The following DPP6 variants were observed in gnomAD, a reference collection of about 807,000 sequenced individuals.
DPP6 encodes A-type potassium channel modulatory protein DPP6.
DPP6 carries 69 observed loss-of-function variants against 122.6 expected under a neutral mutation model. That is an observed-to-expected ratio of 0.56 (90% confidence interval 0.46 to 0.69). The LOEUF is 0.69. Ranked by LOEUF, DPP6 falls within the 30% of genes least tolerant of loss-of-function variation. DPP6 has a pLI of 0.00. For missense variants in DPP6, 928 were observed against 1,116.9 expected (o/e 0.83, Z 2.41); for synonymous variants, 418 against 433.1 (o/e 0.97, Z 0.43).
chr7:154,816,506 A>G (rs1387915083), intron 16 of DPP6, among the ~76,000 whole-genome samples: 4 of 152,174 alleles, frequency 2.6e-5, no homozygotes, highest in African/African-American at 9.6e-5. Context: ...ATGGGGCACC[A>G]CTGTACCTGT....
chr7:153,803,174 G>A, the DPP6 span, among the ~76,000 whole-genome samples: 2 of 151,194 alleles, frequency 1.3e-5, no homozygotes, highest in African/African-American at 2.4e-5. Flanking sequence ...GTTCTTCTAC[G>A]ATGCCAGCAT....
chr7:154,718,939 G>A (rs558777877), intron 7 of DPP6, among the ~76,000 whole-genome samples: 1 of 152,082 alleles, frequency 6.6e-6, no homozygotes, highest in South Asian at 2.1e-4. Flanking sequence ...TTATCTCTCT[G>A]CCTTTGGGTC....
intron 1 of DPP6, among the ~76,000 whole-genome samples, chr7:154,082,216 T>C (rs905422967): frequency 2.0e-5 from 3 of 152,184 alleles, no homozygotes; most frequent in African/African-American, 7.2e-5. Flanking sequence ...ATAAACCTTA[T>C]TTAATATATA....
intron 16 of DPP6, among the ~76,000 whole-genome samples, chr7:154,810,342 G>A (rs188916763): frequency 6.6e-6 from 1 of 152,308 alleles, no homozygotes; most frequent in Non-Finnish European, 1.5e-5. Context: ...CATGGATTTA[G>A]GCAGGGAAGT....
At chr7:154,632,770 A>G (rs115106688) in intron 5 of DPP6, among the ~76,000 whole-genome samples, 2,642 of 152,300 alleles carry the variant, frequency 0.017, 77 homozygotes, top group African/African-American at 0.06. Context: ...CTCAGTGTCC[A>G]CGATGGTACA....
chr7:154,432,380 T>C (rs1158851646), intron 1 of DPP6, among the ~76,000 whole-genome samples: 1 of 152,230 alleles, frequency 6.6e-6, no homozygotes, highest in African/African-American at 2.4e-5. Flanking sequence ...AATTAATCAG[T>C]ACAAATATTT....
intron 1 of DPP6, among the ~76,000 whole-genome samples, chr7:154,066,043 G>GTT (rs1272775473): frequency 6.7e-5 from 8 of 119,598 alleles, no homozygotes; most frequent in Admixed American, 1.7e-4. Context: ...GTTCAGATTT[G>GTT]TTTTTTTTTT....
chr7:154,849,462 T>C (rs1802203875), intron 16 of DPP6, among the ~76,000 whole-genome samples: 2 of 152,230 alleles, frequency 1.3e-5, no homozygotes. Context: ...CTTAATTTAC[T>C]TGTAGATAGT....
intron 1 of DPP6, among the ~76,000 whole-genome samples, chr7:154,310,324 C>T (rs535068726): frequency 2.0e-5 from 3 of 152,318 alleles, no homozygotes; most frequent in South Asian, 2.1e-4. Flanking sequence ...AGGCGGCATG[C>T]GCTGTGCTCT....
At chr7:154,086,159 A>G (rs1272177107) in intron 1 of DPP6, among the ~76,000 whole-genome samples, 5 of 152,244 alleles carry the variant, frequency 3.3e-5, no homozygotes, top group Non-Finnish European at 5.9e-5. Flanking sequence ...CTTGGAATCC[A>G]ATGGATCTGA....
chr7:154,864,854 C>G (rs1803717817), intron 17 of DPP6, among the ~76,000 whole-genome samples: 1 of 152,246 alleles, frequency 6.6e-6, no homozygotes, highest in Non-Finnish European at 1.5e-5. Flanking sequence ...AACCAGAACT[C>G]TCAGATCCGG....
chr7:154,284,024 A>T (rs1804691123), intron 1 of DPP6, among the ~76,000 whole-genome samples: 1 of 152,164 alleles, frequency 6.6e-6, no homozygotes, highest in African/African-American at 2.4e-5. Flanking sequence ...GCCTCATGAC[A>T]TCCATGTTAG....
intron 8 of DPP6, among the ~76,000 whole-genome samples, chr7:154,762,260 G>A (rs1795605705): frequency 6.6e-6 from 1 of 152,180 alleles, no homozygotes; most frequent in Admixed American, 6.5e-5. Flanking sequence ...CACTGCCCTG[G>A]TTCAAGGAGC....
At chr7:154,318,424 A>G (rs1365390258) in intron 1 of DPP6, among the ~76,000 whole-genome samples, 1 of 152,176 alleles carries the variant, frequency 6.6e-6, no homozygotes, top group Admixed American at 6.5e-5. Flanking sequence ...CCACAAATCA[A>G]TTACACCCTA....
intron 1 of DPP6, among the ~76,000 whole-genome samples, chr7:154,343,963 G>C (rs187508870): frequency 6.6e-6 from 1 of 152,314 alleles, no homozygotes; most frequent in Admixed American, 6.5e-5. Context: ...TGATCCGCCA[G>C]CCTCAGCCTC....
Position 154,483,317 on chromosome 7 carries a change from A to G in DPP6, c.457+8280A>G, listed in dbSNP as rs1438025891. 6.6e-6 allele frequency among the ~76,000 whole-genome samples: 1 copy of G among 152,068 alleles called. No homozygotes were observed. Among genetic ancestry groups the G allele is most frequent in the Non-Finnish European group, 1.5e-5 (1 of 68,000 alleles). Reference sequence around the variant, plus strand: ...CCAGGGACGTGTTTGTGTAGACAATAGTGGTGATCATTTGAGTCATATTTA... The same window carrying G: ...CCAGGGACGTGTTTGTGTAGACAATGGTGGTGATCATTTGAGTCATATTTA... On this transcript the variant is annotated intron_variant, in intron 3 of 25. Coordinates refer to ENST00000377770, the MANE Select transcript of DPP6 (RefSeq NM_130797.4). This position sits in a 1 kb window ranked among gnomAD's most constrained non-coding sequence, Gnocchi z 8.1.
chr7:154,487,567 T>A (rs1176212824), intron 3 of DPP6, among the ~76,000 whole-genome samples: 4 of 152,052 alleles, frequency 2.6e-5, no homozygotes, highest in African/African-American at 9.7e-5. Context: ...ATTAAAAGAG[T>A]CTGAGAGCTC....
At chr7:153,886,704 C>G (rs1329296055), upstream of DPP6, among the ~76,000 whole-genome samples, 2 of 152,166 alleles carry the variant, frequency 1.3e-5, no homozygotes, top group Non-Finnish European at 2.9e-5. Context: ...ACCCAGAGTG[C>G]AACCATGGAG....
At chr7:153,987,867 TATAATTTATGAG>T (rs1200912183) in intron 1 of DPP6, among the ~76,000 whole-genome samples, 10 of 152,184 alleles carry the variant, frequency 6.6e-5, no homozygotes, top group Admixed American at 6.5e-4. Context: ...GGGAAACTGA[TATAATTTATGAG>T]AGCGAGGCAG....
Sources: allele counts gnomAD v4.1 joint callset (sites outside exome capture counted in the v4.1 genomes callset), GRCh38; gene constraint gnomAD v4.1.1; non-coding constraint Gnocchi (gnomAD v3.1); transcripts MANE v1.5; gene names NCBI Gene and HGNC (gene_info 2026-07-23, HGNC 2026-07-21).